The following PZP variants were observed in gnomAD, a reference collection of about 807,000 sequenced individuals.
The protein encoded by PZP is pregnancy zone protein.
Under a neutral mutation model 179.8 loss-of-function variants are expected in PZP, and 150 were observed. The observed-to-expected ratio is 0.83, with a 90% CI of 0.73 to 0.96. The LOEUF (loss-of-function observed/expected upper bound fraction) is 0.96, where lower values mean the gene tolerates loss of function less well. PZP is among the 40% of genes least tolerant of loss of function. The pLI, the probability that PZP is intolerant of heterozygous loss-of-function variation, is 0.00. For synonymous variants in PZP, 624 were observed against 652.3 expected (o/e 0.96, Z 0.66); for missense variants, 1,689 against 1,764.0 (o/e 0.96, Z 0.76).
At chr12:9,169,687 T>A (rs1201816454) in intron 15 of PZP, 96 bp from the exon 16 acceptor site, 2 of 1,203,494 alleles carry the variant, frequency 1.7e-6, no homozygotes, top group Non-Finnish European at 2.2e-6. Context: ...ACCAATCTTT[T>A]CTTGAGTACG....
chr12:9,194,755 T>C (rs773850733), intron 10 of PZP, among the ~76,000 whole-genome samples: 57 of 152,230 alleles, frequency 3.7e-4, no homozygotes, highest in Admixed American at 1.2e-3. Flanking sequence ...TGAGCCACCG[T>C]GCCCGGCCAA....
At chr12:9,198,626 ATG>A (rs1408356781) in intron 7 of PZP, among the ~76,000 whole-genome samples, 1 of 152,172 alleles carries the variant, frequency 6.6e-6, no homozygotes, top group African/African-American at 2.4e-5. Context: ...TAGTGGGGTT[ATG>A]TGTGTGTGCA....
At chr12:9,194,016 T>G in intron 11 of PZP, 61 bp downstream of exon 11, 2 of 1,455,076 alleles carry the variant, frequency 1.4e-6, no homozygotes, top group Non-Finnish European at 1.9e-6. Flanking sequence ...ACATTTCTTC[T>G]GAATATATCA....
intron 32 of PZP, among the ~76,000 whole-genome samples, 176 bp from the exon 33 acceptor site, chr12:9,151,848 C>T (rs1415185163): frequency 6.6e-6 from 1 of 152,224 alleles, no homozygotes; most frequent in Non-Finnish European, 1.5e-5. Context: ...ATTAGAGCCT[C>T]TGGCATCTTT....
At chr12:9,194,863 G>T (rs1943678547) in intron 10 of PZP, among the ~76,000 whole-genome samples, 1 of 152,208 alleles carries the variant, frequency 6.6e-6, no homozygotes, top group South Asian at 2.1e-4. Context: ...TTCCCTTTTC[G>T]CATAGACGGA....
rs1280442251 is a variant in PZP, at chr12:9,158,001, TG to T, written c.3295-161del. 3.9e-5 allele frequency among the ~76,000 whole-genome samples: 6 copies of T among 152,344 alleles called. No homozygotes were observed. The South Asian group carries it at 1.2e-3, about 32-fold the overall frequency. On this transcript the variant is annotated intron_variant, in intron 26 of 35. Transcript: ENST00000261336. Reference sequence around the variant, plus strand: ...CAGGTTCTTGCTCTGTAGCTCAGGCTGGAGTGCAGTAGCACTATCACACATG... The same window carrying T: ...CAGGTTCTTGCTCTGTAGCTCAGGCTGAGTGCAGTAGCACTATCACACATG...
rs1944088490 is a variant in PZP at position 9,200,414 on chromosome 12, T to C, written c.705A>G (p.Pro235=). ...LPKFEVKVQV[P]KIISIMDEKV... ...TTTCATCCATGATACTGATTATCTT[T>C]GGCACCTGAACTTTGACCTCAAACT... The change falls in exon 7 of 36, where the codon CCA becomes CCG. Residue 235 remains proline (P), a synonymous_variant. Transcript: ENST00000261336. 1 of 1,611,588 alleles carries C rather than the reference T, an allele frequency of 6.2e-7. No homozygotes were observed. Among genetic ancestry groups the C allele is most frequent in the South Asian group, 1.1e-5 (1 of 91,028 alleles).
At chr12:9,206,241 A>AT in intron 1 of PZP, among the ~76,000 whole-genome samples, 1 of 151,502 alleles carries the variant, frequency 6.6e-6, no homozygotes, top group South Asian at 2.1e-4. Flanking sequence ...GATCTTAATA[A>AT]GAAGGTATAT....
At chr12:9,148,304 AAAT>A (rs1055706550), downstream of PZP, among the ~76,000 whole-genome samples, 11 of 152,246 alleles carry the variant, frequency 7.2e-5, no homozygotes, top group Middle Eastern at 3.4e-3. Flanking sequence ...CTTTCTATTA[AAAT>A]AATCTATAGG....
At chr12:9,203,120 C>T (rs1944259741) in intron 2 of PZP, among the ~76,000 whole-genome samples, 1 of 152,090 alleles carries the variant, frequency 6.6e-6, no homozygotes, top group Non-Finnish European at 1.5e-5. Context: ...TTCATATGAT[C>T]TATTTCTAGG....
In PZP at chr12:9,197,062, G is replaced by A. The variant is rs753815662; in HGVS notation, c.817C>T (p.Arg273Cys). Residue 273 changes from arginine to cysteine, a missense_variant, in exon 8 of 36, where the codon CGT (arginine) becomes TGT (cysteine). Physicochemically the swap from Arg to Cys is radical, Grantham distance 180. This residue lies in a region of PZP where 742 missense variants were observed against 730.5 expected (regional missense o/e 1.02). Transcript: ENST00000261336. ...TCCTGCTTGTCACAATTAAGAACAC[G>A]AGATAATTTTCTACACAGGCTCACA... The part of the protein sequence containing the change: ...ATVSLCRKLS[R>C]VLNCDKQEVC... 3.7e-6 allele frequency: 6 copies of A among 1,613,544 alleles called. No individual in the cohort carries two copies. In the African/African-American group the frequency reaches 5.3e-5, roughly 14 times the overall value.
chr12:9,197,219 A>C (rs1456378860), intron 7 of PZP, 96 bp from the exon 8 acceptor site: 14 of 796,982 alleles, frequency 1.8e-5, no homozygotes, highest in Middle Eastern at 3.0e-4. Context: ...AGTTGCCTAC[A>C]CATCTTTATC....
intron 15 of PZP, among the ~76,000 whole-genome samples, chr12:9,175,391 G>T (rs1942296033): frequency 6.6e-6 from 1 of 152,124 alleles, no homozygotes; most frequent in African/African-American, 2.4e-5. Context: ...CCATTCAGGA[G>T]ATAGGCGCAG....
chr12:9,138,667 A>C, the PZP span, among the ~76,000 whole-genome samples: 3 of 152,010 alleles, frequency 2.0e-5, no homozygotes, highest in East Asian at 1.9e-4. Context: ...TTATTCATTA[A>C]ATCTCCATAC....
At chr12:9,194,464 T>C (rs1454147854) in intron 10 of PZP, among the ~76,000 whole-genome samples, 41 of 8,266 alleles carry the variant, frequency 5.0e-3, no homozygotes, top group African/African-American at 6.9e-3. Context: ...GTCAGGGAGT[T>C]TTTTTTTTTT....
chr12:9,139,857 G>T, the PZP span, among the ~76,000 whole-genome samples: 1 of 152,164 alleles, frequency 6.6e-6, no homozygotes, highest in East Asian at 1.9e-4. Context: ...CCAATTTTTG[G>T]TCAGGACCAC....
At chr12:9,182,232 C>A in intron 13 of PZP, 115 bp from the exon 14 acceptor site, 1 of 972,178 alleles carries the variant, frequency 1.0e-6, no homozygotes, top group Non-Finnish European at 1.4e-6. Flanking sequence ...TGCGTCCATT[C>A]ATTCTAATGG....
chr12:9,186,950 G>C (rs925200253), intron 13 of PZP, among the ~76,000 whole-genome samples: 2 of 150,890 alleles, frequency 1.3e-5, no homozygotes, highest in African/African-American at 4.9e-5. Flanking sequence ...GTACACCTAT[G>C]TAACAAACCT....
At position 9,159,943 on chromosome 12, in the gene PZP, G is replaced by C; in HGVS notation, c.3132C>G (p.Asn1044Lys). 1 of 1,610,044 alleles carries C rather than the reference G, an allele frequency of 6.2e-7. No homozygotes were observed. The highest frequency in any genetic ancestry group is 8.5e-7 in the Non-Finnish European group (1 of 1,176,380). Residue 1044 changes from asparagine (N) to lysine (K), a missense_variant, in exon 25 of 36, where the codon AAC (asparagine) becomes AAG (lysine). Asn to Lys is a moderately conservative substitution (Grantham distance 94). Transcript: ENST00000261336. ...FGERYGRNQG[N>K]TWLTAFVLKT... ...GAATAGATTTTCTTTCTTACCAAGT[G>C]TTGCCCTGGTTCCTGCCATATCGTT...
Sources: gnomAD v4.1 joint callset for allele counts (sites outside exome capture counted in the v4.1 genomes callset) on GRCh38, gnomAD v4.1.1 for gene constraint, gnomAD v4.1.1 regional missense constraint, MANE v1.5 for transcripts, NCBI Gene and HGNC (gene_info 2026-07-23, HGNC 2026-07-21) for gene names.